AP3B1: variants seen among roughly 807,000 people sequenced by gnomAD.
AP3B1 encodes AP-3 complex subunit beta-1.
In AP3B1, 61 loss-of-function variants were observed where a neutral mutation model predicts 132.5. The ratio of observed to expected loss-of-function variants is 0.46; its 90% CI spans 0.37 to 0.57. AP3B1 has a LOEUF of 0.57. AP3B1 is among the 20% of genes least tolerant of loss of function. The probability of loss-of-function intolerance (pLI) is 0.00; values close to 1 mark genes in which losing one functional copy is unlikely to be tolerated. For synonymous variants in AP3B1, 388 were observed against 438.3 expected, an observed-to-expected ratio of 0.89 and a Z score of 1.43; for missense variants, 1,120 against 1,289.4, an observed-to-expected ratio of 0.87 and a Z score of 2.01.
chr5:78,199,726 C>T (rs1170853551), intron 7 of AP3B1, among the ~76,000 whole-genome samples: 3 of 151,934 alleles, frequency 2.0e-5, no homozygotes, highest in African/African-American at 7.3e-5. Flanking sequence ...ATTAAAAGTT[C>T]CTTTTGTTTA....
At chr5:78,156,902 G>T (rs752418538) in intron 13 of AP3B1, among the ~76,000 whole-genome samples, 1 of 152,106 alleles carries the variant, frequency 6.6e-6, no homozygotes, top group African/African-American at 2.4e-5. Context: ...GTGCAAAGCC[G>T]GAAAGAATGG....
At chr5:78,229,569 G>GAAAAAA (rs1746543045) in intron 3 of AP3B1, among the ~76,000 whole-genome samples, 1 of 83,024 alleles carries the variant, frequency 1.2e-5, no homozygotes, top group Admixed American at 1.1e-4. Context: ...CCCATTTCTA[G>GAAAAAA]TAAAACAAAA....
At chr5:78,042,593 C>A in intron 22 of AP3B1, 1 of 194,394 alleles carries the variant, frequency 5.1e-6, no homozygotes. Context: ...TCCTTGTCTT[C>A]TGCCACCTCA....
rs111547226 is a variant in AP3B1, at chr5:78,165,924, C to T, written c.1168-252G>A. ...TCTCTACTAAAAATACAAAATTAGC[C>T]GGGCATGGTGGTGCATGGTGGTGCA... On this transcript the variant is annotated intron_variant, in intron 11 of 26. Coordinates refer to ENST00000255194, the MANE Select transcript of AP3B1 (RefSeq NM_003664.5). Among the ~76,000 whole-genome samples the T allele has an allele frequency of 0.015, 2,245 of 152,030 alleles. 58 individuals carry two copies. The highest frequency in any genetic ancestry group is 0.051 in the African/African-American group (2,109 of 41,434).
chr5:78,138,632 ATCACTGTGTTT>A (rs920246799), intron 15 of AP3B1, among the ~76,000 whole-genome samples: 3 of 152,176 alleles, frequency 2.0e-5, no homozygotes, highest in Non-Finnish European at 4.4e-5. Flanking sequence ...ATTAAAAAAA[ATCACTGTGTTT>A]TCACCATTAG....
At chr5:78,223,027 C>CTCTTTTTTT (rs66493022) in intron 6 of AP3B1, among the ~76,000 whole-genome samples, 1 of 127,818 alleles carries the variant, frequency 7.8e-6, no homozygotes, top group Non-Finnish European at 1.7e-5. Context: ...TTGTTTGTTT[C>CTCTTTTTTT]TTTTTTTTTT....
intron 9 of AP3B1, among the ~76,000 whole-genome samples, chr5:78,176,346 A>G (rs926694369): frequency 7.0e-6 from 1 of 143,174 alleles, no homozygotes; most frequent in African/African-American, 3.0e-5. Context: ...GCCATAGGAA[A>G]AAAAAAAAAA....
chr5:78,159,223 G>GA (rs900520750), intron 13 of AP3B1, among the ~76,000 whole-genome samples: 8 of 152,204 alleles, frequency 5.3e-5, no homozygotes, highest in African/African-American at 1.4e-4. Context: ...CTAAGTAAGA[G>GA]AAAAAAATGT....
At chr5:78,130,170 GA>G (rs1277991390) in intron 15 of AP3B1, among the ~76,000 whole-genome samples, 1 of 151,856 alleles carries the variant, frequency 6.6e-6, no homozygotes, top group Non-Finnish European at 1.5e-5. Flanking sequence ...TTATTTTATT[GA>G]AAAAGCATAG....
intron 22 of AP3B1, among the ~76,000 whole-genome samples, chr5:78,053,697 A>AC (rs1554060861): frequency 7.0e-6 from 1 of 142,746 alleles, no homozygotes; most frequent in South Asian, 2.1e-4. Flanking sequence ...AAAAAAAAAA[A>AC]GAAAGAAAAG....
intron 24 of AP3B1, among the ~76,000 whole-genome samples, chr5:78,024,984 C>T (rs1747279438): frequency 6.6e-6 from 1 of 151,690 alleles, no homozygotes; most frequent in Non-Finnish European, 1.5e-5. Context: ...TAGGCATGAG[C>T]CACTGTGCCT....
chr5:78,218,208 G>A (rs1746038671), intron 6 of AP3B1, among the ~76,000 whole-genome samples: 1 of 151,894 alleles, frequency 6.6e-6, no homozygotes, highest in Non-Finnish European at 1.5e-5. Flanking sequence ...AATAATTTTG[G>A]TTTATTAAAT....
At chr5:78,081,598 A>G (rs1365933547) in intron 22 of AP3B1, among the ~76,000 whole-genome samples, 1 of 151,952 alleles carries the variant, frequency 6.6e-6, no homozygotes, top group East Asian at 1.9e-4. Flanking sequence ...CACCCGGCAT[A>G]CTTCATTATT....
At chr5:78,258,314 GA>G (rs1747935477) in intron 2 of AP3B1, among the ~76,000 whole-genome samples, 1 of 152,078 alleles carries the variant, frequency 6.6e-6, no homozygotes, top group African/African-American at 2.4e-5. Context: ...AATTCTATAG[GA>G]AAAAGTCTAA....
intron 7 of AP3B1, among the ~76,000 whole-genome samples, chr5:78,198,888 G>C (rs982561784): frequency 3.3e-5 from 5 of 152,140 alleles, no homozygotes; most frequent in African/African-American, 1.2e-4. Flanking sequence ...TTTTAATTTA[G>C]TATTTTTCAC....
At chr5:78,153,643 C>T (rs773789747) in intron 14 of AP3B1, among the ~76,000 whole-genome samples, 1 of 152,032 alleles carries the variant, frequency 6.6e-6, no homozygotes, top group Non-Finnish European at 1.5e-5. Flanking sequence ...ATCCTTTCTT[C>T]CTGTTTTCCT....
intron 1 of AP3B1, among the ~76,000 whole-genome samples, chr5:78,284,172 G>A (rs1001765478): frequency 1.3e-5 from 2 of 152,148 alleles, no homozygotes; most frequent in African/African-American, 4.8e-5. Flanking sequence ...GACTAGAGTG[G>A]TGGAGAAATT....
chr5:78,165,870 A>C (rs1267306888), intron 11 of AP3B1, among the ~76,000 whole-genome samples, 198 bp from the exon 12 acceptor site: 2 of 152,194 alleles, frequency 1.3e-5, no homozygotes, highest in African/African-American at 4.8e-5. Flanking sequence ...GGAGTGCAAG[A>C]CCAGCCTGAC....
At chr5:78,082,151 G>A (rs898202075) in intron 22 of AP3B1, among the ~76,000 whole-genome samples, 5 of 152,040 alleles carry the variant, frequency 3.3e-5, no homozygotes, top group South Asian at 2.1e-4. Flanking sequence ...ATTTGAGGGC[G>A]GGAGGAAGGG....
Sources: gnomAD v4.1 joint callset for allele counts (sites outside exome capture counted in the v4.1 genomes callset) on GRCh38, gnomAD v4.1.1 for gene constraint, MANE v1.5 for transcripts, NCBI Gene and HGNC (gene_info 2026-07-23, HGNC 2026-07-21) for gene names.